CASTOR2: variants seen among roughly 807,000 people sequenced by gnomAD.
CASTOR2 encodes cytosolic arginine sensor for mTORC1 subunit 2.
CASTOR2 carries 8 observed loss-of-function variants against 31.2 expected under a neutral mutation model. That is an observed-to-expected ratio of 0.26 (90% CI 0.15 to 0.46). The LOEUF is 0.46. Among genes scored for constraint, CASTOR2 ranks in the 20% least tolerant of loss-of-function variants. The probability of loss-of-function intolerance (pLI) is 0.99; values close to 1 mark genes in which losing one functional copy is unlikely to be tolerated. For missense variants in CASTOR2, 216 were observed against 382.1 expected, an observed-to-expected ratio of 0.57 and a Z score of 3.62; for synonymous variants, 162 against 158.7, an observed-to-expected ratio of 1.02 and a Z score of -0.16.
chr7:75,011,727 CAA>C (rs587617013), intron 2 of CASTOR2, among the ~76,000 whole-genome samples: 6 of 44,550 alleles, frequency 1.3e-4, no homozygotes, highest in Non-Finnish European at 2.1e-4. Flanking sequence ...AGAGCTGTCT[CAA>C]AAAAAAAAAA....
chr7:74,992,433 C>G (rs12374914), intron 1 of CASTOR2, among the ~76,000 whole-genome samples: 33,610 of 151,860 alleles, frequency 0.22, 6,623 homozygotes, highest in African/African-American at 0.53. Context: ...GAGACCCTGT[C>G]TCTACACGAA....
At position 74,972,742 on chromosome 7, in the gene CASTOR2, C is replaced by T. The variant is rs1244753279; in HGVS notation, c.113+7644C>T. ...TCGCCCAGCCTGGAGTGCAATGGCGCAATCTCGGCTCACTGCAACCTTCGC... is the reference window on the plus strand; with the variant it reads ...TCGCCCAGCCTGGAGTGCAATGGCGTAATCTCGGCTCACTGCAACCTTCGC... On this transcript the variant is annotated intron_variant, in intron 1 of 8. Coordinates refer to ENST00000616305, the MANE Select transcript of CASTOR2 (RefSeq NM_001145064.3). Among the ~76,000 whole-genome samples, 7 of 150,402 alleles carry T rather than the reference C, an allele frequency of 4.7e-5. 1 individual carries two copies. In the East Asian group the frequency reaches 1.4e-3, roughly 30 times the overall value.
At chr7:75,017,198 C>T (rs1275413705) in intron 2 of CASTOR2, among the ~76,000 whole-genome samples, 251 of 152,082 alleles carry the variant, frequency 1.7e-3, no homozygotes, top group African/African-American at 5.8e-3. Flanking sequence ...CCTGTAATCC[C>T]AGCACTTGGG....
chr7:74,984,020 G>A (rs1433819570), intron 1 of CASTOR2, among the ~76,000 whole-genome samples: 1 of 150,648 alleles, frequency 6.6e-6, no homozygotes, highest in South Asian at 2.1e-4. Flanking sequence ...GGCCTCAAAC[G>A]ATCCTGCCTC....
Position 75,027,982 on chromosome 7 carries a change from G to A in CASTOR2, c.*3283G>A, listed in dbSNP as rs1380989745. On this transcript the variant is annotated 3_prime_UTR_variant, in exon 9 of 9. Coordinates refer to ENST00000616305, the MANE Select transcript of CASTOR2 (RefSeq NM_001145064.3). ...TGTGTTTCTCAGAGGGGCTCCATCC[G>A]CAGTTGCATGGAACTCCTTACCTGT... 12 of 1,518,378 alleles carry A rather than the reference G, an allele frequency of 7.9e-6. No homozygotes were observed. The highest frequency in any genetic ancestry group is 2.0e-4 in the Middle Eastern group (1 of 5,032). The allele number at this position is 1,518,378 out of a possible 1,614,324, so 94.1% of individuals were successfully genotyped here. A position where few individuals can be genotyped will look rare whatever the true frequency, so the allele number is the denominator to read the frequency against.
chr7:74,996,787 G>A (rs1804362209), intron 1 of CASTOR2, among the ~76,000 whole-genome samples: 1 of 129,062 alleles, frequency 7.7e-6, no homozygotes, highest in Admixed American at 9.2e-5. Context: ...GGAGTGCAGT[G>A]GCGCGATCTC....
intron 1 of CASTOR2, among the ~76,000 whole-genome samples, chr7:74,975,580 G>GT (rs1803786342): frequency 7.9e-6 from 1 of 127,186 alleles, no homozygotes; most frequent in Admixed American, 8.1e-5. Flanking sequence ...GCCAGGCGTG[G>GT]TGGCGGGCGC....
At chr7:74,988,720 C>A (rs1199359668) in intron 1 of CASTOR2, among the ~76,000 whole-genome samples, 1 of 152,106 alleles carries the variant, frequency 6.6e-6, no homozygotes, top group Non-Finnish European at 1.5e-5. Context: ...ATAACACTGC[C>A]CCCCACAGCG....
intron 1 of CASTOR2, among the ~76,000 whole-genome samples, chr7:74,992,939 G>T (rs1206658797): frequency 6.6e-6 from 1 of 151,886 alleles, no homozygotes; most frequent in Non-Finnish European, 1.5e-5. Context: ...GGTGACTCAG[G>T]CCTGTAATCC....
chr7:75,000,509 C>T (rs1158362092), intron 1 of CASTOR2, among the ~76,000 whole-genome samples: 13 of 152,060 alleles, frequency 8.5e-5, no homozygotes, highest in African/African-American at 3.1e-4. Flanking sequence ...AAGTAAGGCC[C>T]GAGAATGTTT....
In CASTOR2 at chr7:74,966,726, A is replaced by G. The variant is rs1404059573; in HGVS notation, c.113+1628A>G. On this transcript the variant is annotated intron_variant, in intron 1 of 8. Transcript: ENST00000616305. ...ATTTCTCGGCCACCATTCAAATGAG[A>G]ATGATGACTCAGGCTGCGGCTGTGC... Among the ~76,000 whole-genome samples, 4 of 46,614 alleles carry G rather than the reference A, an allele frequency of 8.6e-5. 1 individual carries two copies. Among genetic ancestry groups the G allele is most frequent in the African/African-American group, 1.7e-4 (4 of 23,518 alleles). 30.6% of individuals were successfully genotyped at this position (46,614 alleles called of 152,430 possible).
chr7:75,020,245 G>T, intron 6 of CASTOR2, 96 bp downstream of exon 6: 2 of 1,241,328 alleles, frequency 1.6e-6, no homozygotes, highest in Admixed American at 2.2e-5. Context: ...TCTTTTATTT[G>T]TTGTTGTTTT....
rs1160897731 is a variant in CASTOR2 at position 74,990,989 on chromosome 7, C to T, written c.114-17005C>T. Among the ~76,000 whole-genome samples, 5 of 149,638 alleles carry T rather than the reference C, an allele frequency of 3.3e-5. No homozygotes were observed. The East Asian group carries it at 7.9e-4, about 24-fold the overall frequency. On this transcript the variant is annotated intron_variant, in intron 1 of 8. Transcript: ENST00000616305. ...CCCAGCTACTCGGGCAGGAGGATCA[C>T]GTAAGCCCAGGAGTTAGAGGCTGCA...
In CASTOR2 at chr7:75,030,476, G is replaced by T. The variant is rs929616504; in HGVS notation, c.*5777G>T. On this transcript the variant is annotated 3_prime_UTR_variant, in exon 9 of 9. Coordinates refer to ENST00000616305, the MANE Select transcript of CASTOR2 (RefSeq NM_001145064.3). ...CCCCACTTGTCAGAACTACTCTGGAGGGGGGCAAAGGTGTCAGGAACAGTT... is the reference window on the plus strand; with the variant it reads ...CCCCACTTGTCAGAACTACTCTGGATGGGGGCAAAGGTGTCAGGAACAGTT... Among the ~76,000 whole-genome samples, 111 of 152,314 alleles carry T rather than the reference G, an allele frequency of 7.3e-4. 1 individual carries two copies. Among genetic ancestry groups the T allele is most frequent in the Admixed American group, 2.0e-3 (31 of 15,286 alleles).
chr7:75,006,283 CTAAAAA>C (rs1156762329), intron 1 of CASTOR2, among the ~76,000 whole-genome samples: 1 of 152,154 alleles, frequency 6.6e-6, no homozygotes, highest in Non-Finnish European at 1.5e-5. Flanking sequence ...GACCCTGACT[CTAAAAA>C]GAAGAAAGAA....
intron 1 of CASTOR2, among the ~76,000 whole-genome samples, chr7:74,983,489 G>A (rs1210212776): frequency 6.8e-6 from 1 of 146,386 alleles, no homozygotes; most frequent in African/African-American, 2.5e-5. Context: ...GAATGAAGAA[G>A]GTGATAGCAC....
At chr7:75,021,984 A>G in intron 7 of CASTOR2, 28 bp downstream of exon 7, 1 of 1,549,554 alleles carries the variant, frequency 6.5e-7, no homozygotes. Flanking sequence ...TACATGGGGA[A>G]TTGAGGGAGC....
chr7:75,014,397 A>G (rs1489811011), intron 2 of CASTOR2, among the ~76,000 whole-genome samples: 2 of 143,148 alleles, frequency 1.4e-5, no homozygotes, highest in African/African-American at 5.7e-5. Context: ...AACATGGTGA[A>G]ACCCCTTCTC....
In CASTOR2 at chr7:75,029,656, G is replaced by T. The variant is rs1266872970; in HGVS notation, c.*4957G>T. On this transcript the variant is annotated 3_prime_UTR_variant, in exon 9 of 9. Transcript: ENST00000616305. The stretch of plus-strand genomic sequence containing the variant: ...ACCCCGCCTGGCCAATGGGATTTTT[G>T]ACGCCACTTCCTGAGTGAAGCGCTT... Among the ~76,000 whole-genome samples, 1 of 151,694 alleles carries T rather than the reference G, an allele frequency of 6.6e-6. No homozygotes were observed. Among genetic ancestry groups the T allele is most frequent in the Non-Finnish European group, 1.5e-5 (1 of 67,948 alleles).
Sources: allele counts gnomAD v4.1 joint callset (sites outside exome capture counted in the v4.1 genomes callset), GRCh38; gene constraint gnomAD v4.1.1; transcripts MANE v1.5; gene names NCBI Gene and HGNC (gene_info 2026-07-23, HGNC 2026-07-21).